The following SLC25A12 variants were observed in gnomAD, a reference collection of about 807,000 sequenced individuals.
SLC25A12 encodes solute carrier family 25 member 12, also known as electrogenic aspartate/glutamate antiporter SLC25A12, mitochondrial.
A neutral mutation model predicts 83.3 loss-of-function variants in SLC25A12; 32 were observed. The ratio of observed to expected loss-of-function variants is 0.38; its 90% confidence interval spans 0.29 to 0.52. SLC25A12 has a LOEUF of 0.52. Ranked by LOEUF, SLC25A12 falls within the 20% of genes least tolerant of loss-of-function variation. SLC25A12 has a pLI of 0.84. For synonymous variants in SLC25A12, 267 were observed against 291.1 expected (o/e 0.92, Z 0.84); for missense variants, 611 against 835.6 (o/e 0.73, Z 3.31).
At chr2:171,843,939 G>A (rs1312824483) in intron 5 of SLC25A12, among the ~76,000 whole-genome samples, 1 of 151,886 alleles carries the variant, frequency 6.6e-6, no homozygotes, top group Non-Finnish European at 1.5e-5. Context: ...AGGACTACAG[G>A]CGCCCGCCAC....
chr2:171,872,864 T>A (rs1480461442), intron 2 of SLC25A12, among the ~76,000 whole-genome samples: 2 of 151,066 alleles, frequency 1.3e-5, no homozygotes, highest in Non-Finnish European at 3.0e-5. Flanking sequence ...ATACCCCCCC[T>A]TTTTTTTTCT....
chr2:171,886,241 T>TA (rs1685814768), intron 2 of SLC25A12, among the ~76,000 whole-genome samples: 1 of 149,330 alleles, frequency 6.7e-6, no homozygotes, highest in African/African-American at 2.5e-5. Context: ...TTTTTTTTTT[T>TA]TTTTTTTGAG....
At chr2:171,893,370 A>T in intron 1 of SLC25A12, 112 bp from the exon 2 acceptor site, 1 of 953,106 alleles carries the variant, frequency 1.0e-6, no homozygotes, top group South Asian at 1.4e-5. Flanking sequence ...TTTATCATTT[A>T]GTTTAAAACA....
chr2:171,840,830 A>G (rs988480085), intron 5 of SLC25A12, among the ~76,000 whole-genome samples: 1 of 152,192 alleles, frequency 6.6e-6, no homozygotes, highest in Non-Finnish European at 1.5e-5. Context: ...AAATAAACTC[A>G]CACCAAGGAA....
At position 171,813,468 on chromosome 2, in the gene SLC25A12, C is replaced by G; in HGVS notation, c.1042G>C (p.Asp348His). 3 of 1,614,072 alleles carry G rather than the reference C, an allele frequency of 1.9e-6. No individual in the cohort carries two copies. The highest frequency in any genetic ancestry group is 1.7e-6 in the Non-Finnish European group (2 of 1,179,964). The change falls in exon 11 of 18, where the codon GAT (aspartate) becomes CAT (histidine). Residue 348 changes from aspartate to histidine, a missense_variant. This residue lies in a region of SLC25A12 where 540 missense variants were observed against 777.5 expected (regional missense o/e 0.69). Coordinates refer to ENST00000422440, the MANE Select transcript of SLC25A12 (RefSeq NM_003705.5). The stretch of plus-strand genomic sequence containing the variant: ...TTTTGCATTCGGGTCTTCACCAGAT[C>G]TATAGGATACACTGCAGTGGCTCCC... Reference protein sequence around the residue: ...AVGATAVYPIDLVKTRMQNQR... With the variant: ...AVGATAVYPIHLVKTRMQNQR...
At chr2:171,879,143 A>C (rs897043157) in intron 2 of SLC25A12, among the ~76,000 whole-genome samples, 6 of 152,248 alleles carry the variant, frequency 3.9e-5, no homozygotes, top group Non-Finnish European at 8.8e-5. Flanking sequence ...ATTTTTAAAA[A>C]CAAGGATTTT....
chr2:171,863,126 C>T (rs1384689001), intron 3 of SLC25A12, among the ~76,000 whole-genome samples: 1 of 152,160 alleles, frequency 6.6e-6, no homozygotes. Context: ...TGGTCTCAAA[C>T]TCCTGGCCTC....
chr2:171,816,062 CTTTT>C (rs761249375), intron 9 of SLC25A12, among the ~76,000 whole-genome samples: 1 of 127,504 alleles, frequency 7.8e-6, no homozygotes. Flanking sequence ...AAAAATATTC[CTTTT>C]TTTTTTTTTT....
chr2:171,866,938 G>A (rs1479993617), intron 3 of SLC25A12, among the ~76,000 whole-genome samples: 4 of 148,956 alleles, frequency 2.7e-5, no homozygotes, highest in African/African-American at 9.9e-5. Flanking sequence ...CAGGCGGAGG[G>A]TCTCCTCACT....
intron 11 of SLC25A12, among the ~76,000 whole-genome samples, chr2:171,812,143 C>A (rs1334816548): frequency 1.3e-5 from 2 of 152,176 alleles, no homozygotes; most frequent in African/African-American, 4.8e-5. Flanking sequence ...TTCTCAAGAG[C>A]AGGGTACTTG....
At chr2:171,810,339 C>T (rs1222965790) in intron 11 of SLC25A12, 63 bp from the exon 12 acceptor site, 1 of 1,298,470 alleles carries the variant, frequency 7.7e-7, no homozygotes. Flanking sequence ...ACAAGCCCAG[C>T]AACAAAGAGT....
chr2:171,801,458 T>C (rs757613871), intron 13 of SLC25A12, among the ~76,000 whole-genome samples: 1 of 152,196 alleles, frequency 6.6e-6, no homozygotes, highest in Non-Finnish European at 1.5e-5. Flanking sequence ...ACAATAGATA[T>C]CATAATCAAA....
rs148150062 is a variant in SLC25A12 at position 171,803,651 on chromosome 2, T to C, written c.1305+5955A>G. 1.4e-4 allele frequency among the ~76,000 whole-genome samples: 22 copies of C among 152,322 alleles called. 1 individual carries two copies. Among genetic ancestry groups the C allele is most frequent in the African/African-American group, 5.3e-4 (22 of 41,574 alleles). On this transcript the variant is annotated intron_variant, in intron 13 of 17. Coordinates refer to ENST00000422440, the MANE Select transcript of SLC25A12 (RefSeq NM_003705.5). ...AGATGTGGAAAGTAGCTGTGCATGA[T>C]GGCACATGCCTGTAGTCCCAGCTAC...
intron 15 of SLC25A12, among the ~76,000 whole-genome samples, chr2:171,789,422 GT>G (rs1305868315): frequency 6.6e-6 from 1 of 152,060 alleles, no homozygotes; most frequent in Non-Finnish European, 1.5e-5. Flanking sequence ...TAGAGACGGG[GT>G]TTCACCGTGT....
chr2:171,791,717 T>C, intron 14 of SLC25A12, 128 bp from the exon 15 acceptor site: 3 of 843,522 alleles, frequency 3.6e-6, no homozygotes, highest in Non-Finnish European at 6.1e-6. Flanking sequence ...AGGTGTCCCT[T>C]AAACAGCATT....
intron 13 of SLC25A12, among the ~76,000 whole-genome samples, chr2:171,804,123 C>T (rs1444059214): frequency 2.0e-5 from 3 of 152,124 alleles, no homozygotes; most frequent in Non-Finnish European, 4.4e-5. Flanking sequence ...TGTAGTATAT[C>T]CATATATTCA....
At chr2:171,888,457 T>G (rs1377943195) in intron 2 of SLC25A12, among the ~76,000 whole-genome samples, 1 of 152,006 alleles carries the variant, frequency 6.6e-6, no homozygotes, top group Non-Finnish European at 1.5e-5. Flanking sequence ...TTATTTTTTT[T>G]GAGACAGTGA....
At chr2:171,871,595 C>G (rs997193326) in intron 2 of SLC25A12, 20 of 366,192 alleles carry the variant, frequency 5.5e-5, no homozygotes, top group Admixed American at 2.6e-4. Context: ...GCCGGGATTA[C>G]AGGTGTGAGC....
intron 11 of SLC25A12, among the ~76,000 whole-genome samples, chr2:171,811,340 T>C (rs2105860589): frequency 6.6e-6 from 1 of 152,324 alleles, no homozygotes; most frequent in South Asian, 2.1e-4. Context: ...CAGACTGATT[T>C]AAAAGAACAA....
Sources: allele counts gnomAD v4.1 joint callset (sites outside exome capture counted in the v4.1 genomes callset), GRCh38; gene constraint gnomAD v4.1.1; regional missense constraint gnomAD v4.1.1; transcripts MANE v1.5; gene names NCBI Gene and HGNC (gene_info 2026-07-23, HGNC 2026-07-21).